Variants in KAT6A observed in about 807,000 individuals in gnomAD.
KAT6A encodes histone acetyltransferase KAT6A.
A neutral mutation model predicts 198.4 loss-of-function variants in KAT6A; 9 were observed. That is an observed-to-expected ratio of 0.05 (90% CI 0.03 to 0.08). KAT6A has a LOEUF of 0.08. KAT6A is among the 10% of genes least tolerant of loss of function. The pLI is 1.00. For missense variants in KAT6A, 2,077 were observed against 2,509.9 expected (o/e 0.83, Z 3.69); for synonymous variants, 890 against 883.0 (o/e 1.01, Z -0.14).
At chr8:42,044,488 A>C (rs1297329204) in intron 2 of KAT6A, among the ~76,000 whole-genome samples, 1 of 152,218 alleles carries the variant, frequency 6.6e-6, no homozygotes, top group Non-Finnish European at 1.5e-5. Context: ...TGTCTTCACA[A>C]AAACTCCTCT....
At chr8:41,978,395 A>G (rs988008817) in intron 6 of KAT6A, among the ~76,000 whole-genome samples, 1 of 152,238 alleles carries the variant, frequency 6.6e-6, no homozygotes, top group African/African-American at 2.4e-5. Flanking sequence ...TTCCTTTGAA[A>G]AATGAAAGTA....
intron 8 of KAT6A, among the ~76,000 whole-genome samples, chr8:41,966,319 A>C (rs534417964): frequency 6.6e-6 from 1 of 152,082 alleles, no homozygotes; most frequent in East Asian, 1.9e-4. Flanking sequence ...GCCTCGGTGC[A>C]AATTTTATCA....
At chr8:41,974,545 A>G (rs573327870) in intron 8 of KAT6A, 159 bp downstream of exon 8, 73 of 468,324 alleles carry the variant, frequency 1.6e-4, no homozygotes, top group African/African-American at 1.2e-3. Context: ...TGGGTTTGAA[A>G]GGAATATTAT....
intron 12 of KAT6A, among the ~76,000 whole-genome samples, chr8:41,944,205 C>T (rs1471202823): frequency 6.6e-6 from 1 of 151,948 alleles, no homozygotes; most frequent in Admixed American, 6.6e-5. Flanking sequence ...ATTATGTCTA[C>T]AGTTAATATC....
At chr8:42,009,921 A>AC (rs1464260996) in intron 2 of KAT6A, among the ~76,000 whole-genome samples, 11 of 150,552 alleles carry the variant, frequency 7.3e-5, no homozygotes, top group African/African-American at 2.2e-4. Flanking sequence ...AAAACAAAAA[A>AC]AAACAAAACC....
intron 2 of KAT6A, among the ~76,000 whole-genome samples, chr8:41,997,139 T>C (rs954096099): frequency 3.3e-5 from 5 of 152,200 alleles, no homozygotes; most frequent in African/African-American, 1.2e-4. Flanking sequence ...ATGTACTTAA[T>C]GCCACTGAAT....
rs776138472 is a variant in KAT6A at position 41,946,653 on chromosome 8, G to C, written c.1934C>G (p.Ser645Cys). Residue 645 changes from serine to cysteine, a missense_variant, in exon 12 of 17, where the codon TCC (serine) becomes TGC (cysteine). Around this residue, in one of 13 missense-constraint regions of KAT6A, gnomAD observed 127 missense variants for 209.6 expected, o/e 0.61. Transcript: ENST00000265713. ...EKHCQQKYNV[S>C]CIMILPQYQR... Reference sequence around the variant, plus strand: ...GTATTGAGGAAGAATCATTATACAGGAAACATTGTACTTCTGTTGGCAGTG... The same window carrying C: ...GTATTGAGGAAGAATCATTATACAGCAAACATTGTACTTCTGTTGGCAGTG... 5.6e-6 allele frequency: 9 copies of C among 1,607,602 alleles called. No homozygotes were observed. The highest frequency in any genetic ancestry group is 7.7e-6 in the Non-Finnish European group (9 of 1,174,296).
chr8:42,024,932 T>C (rs1198638545), intron 2 of KAT6A, among the ~76,000 whole-genome samples: 2 of 152,216 alleles, frequency 1.3e-5, no homozygotes, highest in South Asian at 2.1e-4. Context: ...CCCTTTGATA[T>C]GCTGATTCTC....
intron 9 of KAT6A, among the ~76,000 whole-genome samples, chr8:41,950,212 C>T (rs1268274591): frequency 6.6e-6 from 1 of 152,102 alleles, no homozygotes; most frequent in Non-Finnish European, 1.5e-5. Flanking sequence ...TGCCTCAAGC[C>T]CCACTATTCA....
chr8:42,045,909 C>T (rs1017483996), intron 2 of KAT6A, among the ~76,000 whole-genome samples: 2 of 151,800 alleles, frequency 1.3e-5, no homozygotes, highest in African/African-American at 4.8e-5. Flanking sequence ...CGCTTGAACC[C>T]GGGAGGCGAA....
At chr8:41,987,673 T>C (rs1395741894) in intron 2 of KAT6A, 110 bp from the exon 3 acceptor site, 1 of 714,010 alleles carries the variant, frequency 1.4e-6, no homozygotes, top group Admixed American at 2.3e-5. Context: ...TTAGGACAAT[T>C]GTATTACTCT....
intron 2 of KAT6A, among the ~76,000 whole-genome samples, chr8:42,010,462 A>G (rs1488869056): frequency 6.6e-6 from 1 of 152,168 alleles, no homozygotes; most frequent in Non-Finnish European, 1.5e-5. Context: ...ACATTTACTA[A>G]TTAGGGCAGA....
intron 2 of KAT6A, among the ~76,000 whole-genome samples, chr8:42,015,341 A>T (rs913616452): frequency 6.6e-6 from 1 of 152,236 alleles, no homozygotes; most frequent in Non-Finnish European, 1.5e-5. Flanking sequence ...CAGACAGATA[A>T]GGAGGTAACT....
chr8:42,033,626 A>G (rs1827236134), intron 2 of KAT6A, among the ~76,000 whole-genome samples: 1 of 152,048 alleles, frequency 6.6e-6, no homozygotes, highest in Non-Finnish European at 1.5e-5. Context: ...CTTCCTCTGA[A>G]CAGACTTCCC....
intron 2 of KAT6A, among the ~76,000 whole-genome samples, chr8:41,990,859 G>A (rs1824904742): frequency 2.0e-5 from 3 of 152,092 alleles, no homozygotes; most frequent in Admixed American, 2.0e-4. Context: ...GCTGGGCATG[G>A]TGGCGGGCAT....
intron 2 of KAT6A, among the ~76,000 whole-genome samples, chr8:41,991,266 CAGAT>C (rs1824932497): frequency 6.6e-6 from 1 of 152,098 alleles, no homozygotes; most frequent in African/African-American, 2.4e-5. Context: ...GGTGGTTAAA[CAGAT>C]AAACTGTGCT....
chr8:42,005,798 A>ACACACTCG (rs1564059624), intron 2 of KAT6A, among the ~76,000 whole-genome samples: 1 of 146,430 alleles, frequency 6.8e-6, no homozygotes, highest in Non-Finnish European at 1.5e-5. Flanking sequence ...ACACACACAC[A>ACACACTCG]CTCACTCTCT....
chr8:41,972,855 A>C (rs1423949234), intron 8 of KAT6A, among the ~76,000 whole-genome samples: 2 of 152,232 alleles, frequency 1.3e-5, no homozygotes, highest in African/African-American at 2.4e-5. Context: ...AGGAGAAAAA[A>C]AAATTCTTTC....
At chr8:41,949,976 T>C (rs566647043) in intron 9 of KAT6A, among the ~76,000 whole-genome samples, 1 of 152,220 alleles carries the variant, frequency 6.6e-6, no homozygotes, top group Admixed American at 6.5e-5. Flanking sequence ...CAAGGAACTT[T>C]TGTAGTATAC....
Sources: gnomAD v4.1 joint callset for allele counts (sites outside exome capture counted in the v4.1 genomes callset) on GRCh38, gnomAD v4.1.1 for gene constraint, gnomAD v4.1.1 regional missense constraint, MANE v1.5 for transcripts, NCBI Gene and HGNC (gene_info 2026-07-23, HGNC 2026-07-21) for gene names.